The following NUP153 variants were observed in gnomAD, a reference collection of about 807,000 sequenced individuals.
NUP153 encodes nuclear pore complex protein Nup153.
NUP153 carries 27 observed loss-of-function variants against 134.6 expected under a neutral mutation model. The observed-to-expected ratio is 0.20, with a 90% CI of 0.15 to 0.28. NUP153 has a LOEUF of 0.28. NUP153 is among the 10% of genes least tolerant of loss of function. The pLI is 1.00. For missense variants in NUP153, 1,821 were observed against 1,731.3 expected (o/e 1.05, Z -0.92); for synonymous variants, 640 against 623.5 (o/e 1.03, Z -0.40).
chr6:17,616,582 G>A lies in NUP153; in HGVS notation c.4288C>T (p.Pro1430Ser). 6.2e-7 allele frequency: 1 copy of A among 1,614,134 alleles called. No individual in the cohort carries two copies. Among genetic ancestry groups the A allele is most frequent in the South Asian group, 1.1e-5 (1 of 91,080 alleles). Residue 1430 changes from proline to serine, a missense_variant, in exon 21 of 22, where the codon CCT becomes TCT. Transcript: ENST00000262077. ...NSSTPAASAQPSGSGGFPFNQ... is the reference protein window; with the variant it reads ...NSSTPAASAQSSGSGGFPFNQ... ...AATGGAAAGCCCCCCGAGCCTGAAGGCTGGGCTGAGGCTGCAGGTGTGCTA... is the reference window on the plus strand; with the variant it reads ...AATGGAAAGCCCCCCGAGCCTGAAGACTGGGCTGAGGCTGCAGGTGTGCTA...
At chr6:17,692,104 C>T (rs941062200) in intron 1 of NUP153, among the ~76,000 whole-genome samples, 1 of 152,206 alleles carries the variant, frequency 6.6e-6, no homozygotes, top group Non-Finnish European at 1.5e-5. Context: ...AAATTGGCTC[C>T]ACCCTCACTC....
intron 2 of NUP153, among the ~76,000 whole-genome samples, chr6:17,681,300 T>C (rs975396297): frequency 2.0e-5 from 3 of 151,672 alleles, no homozygotes; most frequent in African/African-American, 7.3e-5. Flanking sequence ...GAGAATAGAA[T>C]GATGGTTACC....
intron 1 of NUP153, among the ~76,000 whole-genome samples, chr6:17,700,874 A>T (rs922588649): frequency 6.6e-6 from 1 of 152,232 alleles, no homozygotes; most frequent in African/African-American, 2.4e-5. Flanking sequence ...TGTCCCTTTC[A>T]GAAAAAGTTT....
chr6:17,695,286 A>G (rs1339890680), intron 1 of NUP153, among the ~76,000 whole-genome samples: 1 of 152,196 alleles, frequency 6.6e-6, no homozygotes, highest in Non-Finnish European at 1.5e-5. Context: ...GCATTGGTGT[A>G]GCCTATGAGC....
intron 5 of NUP153, among the ~76,000 whole-genome samples, chr6:17,674,265 T>C (rs77416157): frequency 0.041 from 6,233 of 152,210 alleles, 396 homozygotes; most frequent in East Asian, 0.29. Context: ...TACATAATAA[T>C]ATGTTTTGTT....
At chr6:17,676,297 C>A (rs1768217188) in intron 2 of NUP153, among the ~76,000 whole-genome samples, 2 of 152,222 alleles carry the variant, frequency 1.3e-5, no homozygotes, top group South Asian at 2.1e-4. Flanking sequence ...AATAAGCCAT[C>A]CTTTCCTCAA....
In NUP153 at chr6:17,665,744, G is replaced by A. The variant is rs191228818; in HGVS notation, c.1069-359C>T. 2.5e-3 allele frequency among the ~76,000 whole-genome samples: 377 copies of A among 150,404 alleles called. 5 individuals carry two copies. Among genetic ancestry groups the A allele is most frequent in the African/African-American group, 8.5e-3 (350 of 40,938 alleles). ...TTTTTGTTTTTTTTTTTTAAGAGAC[G>A]GACTCCTGCTCTGTCACCCAGACCA... is the stretch of plus-strand genomic sequence containing the variant. On this transcript the variant is annotated intron_variant, in intron 8 of 21. Transcript: ENST00000262077.
chr6:17,668,770 G>A (rs1005671759), intron 8 of NUP153, among the ~76,000 whole-genome samples: 1 of 151,738 alleles, frequency 6.6e-6, no homozygotes, highest in African/African-American at 2.4e-5. Flanking sequence ...TTGAACCTGG[G>A]AGCCATAGGT....
In NUP153 at chr6:17,625,824, G is replaced by C; in HGVS notation, c.3885C>G (p.Thr1295=). The change falls in exon 19 of 22, where the codon ACC becomes ACG. Residue 1295 remains threonine (T), a synonymous_variant. Coordinates refer to ENST00000262077, the MANE Select transcript of NUP153 (RefSeq NM_005124.4). The surrounding 1 kb of genome is among the most constrained non-coding windows in gnomAD (Gnocchi z 4.7). Reference sequence around the variant, plus strand: ...TAAATGTACCTGCAGAGCTAGATGTGGTTGTGGCTCCAAAGCCGAAACCAG... The same window carrying C: ...TAAATGTACCTGCAGAGCTAGATGTCGTTGTGGCTCCAAAGCCGAAACCAG... The part of the protein sequence containing the change: ...TTSGFGFGAT[T]TSSSAGSSFV... The C allele has an allele frequency of 1.2e-6, 2 of 1,613,350 alleles. No individual in the cohort carries two copies. The highest frequency in any genetic ancestry group is 1.7e-5 in the Admixed American group (1 of 60,014).
intron 1 of NUP153, among the ~76,000 whole-genome samples, chr6:17,696,121 T>G (rs376029811): frequency 6.6e-6 from 1 of 151,954 alleles, no homozygotes; most frequent in African/African-American, 2.4e-5. Flanking sequence ...AGAGTGAAAC[T>G]GTCTCAAAAC....
chr6:17,646,586 C>T (rs1241646070), intron 13 of NUP153, among the ~76,000 whole-genome samples: 1 of 152,150 alleles, frequency 6.6e-6, no homozygotes, highest in Non-Finnish European at 1.5e-5. Context: ...ATTTCACTAT[C>T]TCTAAAAGTG....
chr6:17,702,536 T>C (rs1030652780), intron 1 of NUP153, among the ~76,000 whole-genome samples: 2 of 150,296 alleles, frequency 1.3e-5, no homozygotes, highest in African/African-American at 4.9e-5. Flanking sequence ...ATCAGCCGTT[T>C]GTGGTGGCGC....
intron 11 of NUP153, among the ~76,000 whole-genome samples, chr6:17,651,318 C>A (rs1380106587): frequency 6.6e-6 from 1 of 151,458 alleles, no homozygotes; most frequent in Non-Finnish European, 1.5e-5. Context: ...AAAAACAAAA[C>A]CAATAAAAAC....
intron 2 of NUP153, among the ~76,000 whole-genome samples, chr6:17,678,093 C>T (rs762612484): frequency 3.5e-4 from 54 of 152,166 alleles, no homozygotes; most frequent in South Asian, 1.2e-3. Flanking sequence ...CAGTGGTTCA[C>T]ACCTGTAATC....
intron 11 of NUP153, among the ~76,000 whole-genome samples, chr6:17,650,013 A>AC (rs1186184948): frequency 1.3e-5 from 2 of 152,294 alleles, no homozygotes; most frequent in East Asian, 3.9e-4. Context: ...TTTTAACCCA[A>AC]CTGAACAAAG....
In NUP153 at chr6:17,675,810, G is replaced by C. The variant is rs1472656151; in HGVS notation, c.335-40C>G. On this transcript the variant is annotated intron_variant, in intron 2 of 21. Coordinates refer to ENST00000262077, the MANE Select transcript of NUP153 (RefSeq NM_005124.4). This position sits in a 1 kb window ranked among gnomAD's most constrained non-coding sequence, Gnocchi z 4.4. ...ATTAATATTATGAATATACAACTTA[G>C]AGCGATACACTACCACAAATGGTTT... 4 of 1,581,808 alleles carry C rather than the reference G, an allele frequency of 2.5e-6. No individual in the cohort carries two copies. The highest frequency in any genetic ancestry group is 2.6e-6 in the Non-Finnish European group (3 of 1,150,970).
chr6:17,703,453 T>A (rs1337296063), intron 1 of NUP153, among the ~76,000 whole-genome samples: 1 of 152,030 alleles, frequency 6.6e-6, no homozygotes, highest in Non-Finnish European at 1.5e-5. Context: ...ACCAAAAGCT[T>A]AATTTTTGCC....
At chr6:17,690,778 A>C (rs1769225682) in intron 1 of NUP153, among the ~76,000 whole-genome samples, 1 of 152,194 alleles carries the variant, frequency 6.6e-6, no homozygotes, top group Admixed American at 6.5e-5. Flanking sequence ...GAGGCCTTAA[A>C]ATATCCTGCC....
At chr6:17,691,099 G>C (rs776232652) in intron 1 of NUP153, among the ~76,000 whole-genome samples, 1 of 152,078 alleles carries the variant, frequency 6.6e-6, no homozygotes, top group Non-Finnish European at 1.5e-5. Flanking sequence ...CTAAGATCAC[G>C]CCATTGCACT....
Sources: allele counts gnomAD v4.1 joint callset (sites outside exome capture counted in the v4.1 genomes callset), GRCh38; gene constraint gnomAD v4.1.1; non-coding constraint Gnocchi (gnomAD v3.1); transcripts MANE v1.5; gene names NCBI Gene and HGNC (gene_info 2026-07-23, HGNC 2026-07-21).